SYN3: variants seen among roughly 807,000 people sequenced by gnomAD.
The protein encoded by SYN3 is synapsin III, also known as synapsin-3.
Under a neutral mutation model 65.8 loss-of-function variants are expected in SYN3, and 35 were observed. The ratio of observed to expected loss-of-function variants is 0.53; its 90% CI spans 0.41 to 0.70. The LOEUF is 0.70. SYN3 is among the 30% of genes least tolerant of loss of function. The pLI is 0.00. For synonymous variants in SYN3, 270 were observed against 292.9 expected, an observed-to-expected ratio of 0.92 and a Z score of 0.80; for missense variants, 680 against 749.0, an observed-to-expected ratio of 0.91 and a Z score of 1.08.
chr22:32,509,769 C>T lies in SYN3; in HGVS notation c.*3923G>A, dbSNP rs1050118731. 6.6e-6 allele frequency among the ~76,000 whole-genome samples: 1 copy of T among 152,020 alleles called. No individual in the cohort carries two copies. Among genetic ancestry groups the T allele is most frequent in the South Asian group, 2.1e-4 (1 of 4,814 alleles). On this transcript the variant is annotated 3_prime_UTR_variant, in exon 14 of 14. Coordinates refer to ENST00000358763, the MANE Select transcript of SYN3 (RefSeq NM_003490.4). ...ATTTTTAGTAGAGATGGGGTTTCAC[C>T]GTGTTAGCCAGGATGGTCTCGATCT... is the stretch of plus-strand genomic sequence containing the variant.
chr22:32,924,476 T>C (rs570647235), intron 4 of SYN3, among the ~76,000 whole-genome samples: 2 of 152,324 alleles, frequency 1.3e-5, no homozygotes, highest in South Asian at 2.1e-4. Flanking sequence ...ACTCAAAATG[T>C]GATCTTCCAA....
intron 1 of SYN3, among the ~76,000 whole-genome samples, chr22:33,011,358 CAA>C (rs2053346933): frequency 6.6e-6 from 1 of 152,138 alleles, no homozygotes; most frequent in Non-Finnish European, 1.5e-5. Context: ...ATTTGCTTAA[CAA>C]TGTGGTAAAT....
chr22:32,867,183 A>T (rs1265759118), intron 5 of SYN3, among the ~76,000 whole-genome samples: 2 of 152,202 alleles, frequency 1.3e-5, no homozygotes, highest in African/African-American at 4.8e-5. Flanking sequence ...CACAGACCAG[A>T]CAGCTATGAG....
chr22:32,698,583 A>G (rs2147188886), intron 6 of SYN3, among the ~76,000 whole-genome samples: 1 of 152,330 alleles, frequency 6.6e-6, no homozygotes, highest in Middle Eastern at 3.4e-3. Flanking sequence ...CTAGTGTTTT[A>G]TAAATAATAA....
chr22:32,608,163 G>A (rs2059395299), intron 6 of SYN3, among the ~76,000 whole-genome samples: 1 of 152,214 alleles, frequency 6.6e-6, no homozygotes, highest in African/African-American at 2.4e-5. Context: ...CGCCTCCTGG[G>A]TTCAAGCGAT....
At chr22:32,706,951 C>T (rs949113245) in intron 6 of SYN3, among the ~76,000 whole-genome samples, 5 of 152,192 alleles carry the variant, frequency 3.3e-5, no homozygotes, top group African/African-American at 1.2e-4. Context: ...CCCACCTCCC[C>T]TCCCCAAGAG....
intron 7 of SYN3, among the ~76,000 whole-genome samples, chr22:32,545,939 T>A (rs1253113177): frequency 1.3e-5 from 2 of 152,134 alleles, no homozygotes; most frequent in African/African-American, 4.8e-5. Flanking sequence ...ATTTATTTAT[T>A]TTTTTAAAGA....
Position 32,876,674 on chromosome 22 carries a change from T to A in SYN3, c.462-7549A>T, listed in dbSNP as rs575162920. 4.7e-5 allele frequency among the ~76,000 whole-genome samples: 7 copies of A among 149,974 alleles called. No individual in the cohort carries two copies. The East Asian group carries it at 1.4e-3, about 29-fold the overall frequency. On this transcript the variant is annotated intron_variant, in intron 4 of 13. Transcript: ENST00000358763. ...AGGTTATCTTCATTCTGGAAAAAAA[T>A]GGAAAATGAAACAGTGGAGTCACAT...
chr22:32,840,931 C>T (rs1033256907), intron 6 of SYN3, among the ~76,000 whole-genome samples: 14 of 152,196 alleles, frequency 9.2e-5, no homozygotes, highest in African/African-American at 2.9e-4. Flanking sequence ...TCCCTGTATA[C>T]GTCTTCACAA....
chr22:32,998,380 C>G (rs1165490668), intron 2 of SYN3, among the ~76,000 whole-genome samples: 1 of 152,110 alleles, frequency 6.6e-6, no homozygotes, highest in African/African-American at 2.4e-5. Context: ...GGTTTCAAAC[C>G]AAGGACACCC....
rs1249176612 is a variant in SYN3, at chr22:32,710,800, C to A, written c.712-114064G>T. On this transcript the variant is annotated intron_variant, in intron 6 of 13. Coordinates refer to ENST00000358763, the MANE Select transcript of SYN3 (RefSeq NM_003490.4). ...AAACCAAGCAGATGCCAGCATCATG[C>A]TTCCTGTACTGCCTGCAGAACCATG... is the stretch of plus-strand genomic sequence containing the variant. 4.6e-5 allele frequency among the ~76,000 whole-genome samples: 7 copies of A among 152,144 alleles called. No homozygotes were observed. The East Asian group carries it at 1.4e-3, about 29-fold the overall frequency.
At chr22:33,043,890 T>C (rs1268522837) in intron 1 of SYN3, among the ~76,000 whole-genome samples, 1 of 152,004 alleles carries the variant, frequency 6.6e-6, no homozygotes, top group Non-Finnish European at 1.5e-5. Flanking sequence ...CCGTTTCTAC[T>C]AAAAATAGAA....
intron 6 of SYN3, among the ~76,000 whole-genome samples, chr22:32,763,431 G>A (rs777336348): frequency 6.6e-6 from 1 of 152,174 alleles, no homozygotes; most frequent in African/African-American, 2.4e-5. Context: ...GATTACAGGC[G>A]TGAGCCACCA....
At chr22:32,685,866 CTTAAA>C (rs2060582230) in intron 6 of SYN3, among the ~76,000 whole-genome samples, 2 of 152,066 alleles carry the variant, frequency 1.3e-5, no homozygotes, top group Non-Finnish European at 2.9e-5. Flanking sequence ...GGAATAATTG[CTTAAA>C]TTATTCAGCA....
At chr22:32,736,073 GT>G (rs2061334045) in intron 6 of SYN3, among the ~76,000 whole-genome samples, 1 of 152,120 alleles carries the variant, frequency 6.6e-6, no homozygotes. Flanking sequence ...TTGTGTTTTT[GT>G]TTCTTAATTT....
intron 4 of SYN3, among the ~76,000 whole-genome samples, chr22:32,905,394 A>G (rs1269904463): frequency 6.6e-6 from 1 of 152,172 alleles, no homozygotes; most frequent in Non-Finnish European, 1.5e-5. Context: ...AATGTCCCAG[A>G]GCATAAGGCA....
At position 32,869,367 on chromosome 22, in the gene SYN3, T is replaced by TCTCA. The variant is rs61464794; in HGVS notation, c.462-243_462-242insTGAG. Reference sequence around the variant, plus strand: ...CTCTCTCTCTCTCTCTCTCTCTCTCTCACAGGCTCTTTCCTAAATTCCCTG... The same window carrying TCTCA: ...CTCTCTCTCTCTCTCTCTCTCTCTCTCTCACACAGGCTCTTTCCTAAATTCCCTG... On this transcript the variant is annotated intron_variant, in intron 4 of 13. Coordinates refer to ENST00000358763, the MANE Select transcript of SYN3 (RefSeq NM_003490.4). 3.2e-3 allele frequency among the ~76,000 whole-genome samples: 454 copies of TCTCA among 142,468 alleles called. 6 individuals carry two copies. The highest frequency in any genetic ancestry group is 8.3e-3 in the Admixed American group (117 of 14,084). 93.5% of individuals were successfully genotyped at this position (142,468 alleles called of 152,430 possible). A position where few individuals can be genotyped will look rare whatever the true frequency, so the allele number is the denominator to read the frequency against.
In SYN3 at chr22:32,801,847, C is replaced by T. The variant is rs1181803446; in HGVS notation, c.711+63068G>A. 6 of 986,802 alleles carry T rather than the reference C, an allele frequency of 6.1e-6. No homozygotes were observed. Among genetic ancestry groups the T allele is most frequent in the Non-Finnish European group, 7.8e-6 (6 of 772,262 alleles). The allele number at this position is 986,802 out of a possible 1,614,324, so 61.1% of individuals were successfully genotyped here. ...CAGCCTCGCTGCGCCCCATCCCGTC[C>T]CGCCGGGCACTCGGAGGGCAGCGCG... On this transcript the variant is annotated intron_variant, in intron 6 of 13. Coordinates refer to ENST00000358763, the MANE Select transcript of SYN3 (RefSeq NM_003490.4). The surrounding 1 kb of genome is among the most constrained non-coding windows in gnomAD (Gnocchi z 4.7).
intron 6 of SYN3, chr22:32,858,178 G>T: frequency 1.9e-6 from 3 of 1,609,774 alleles, no homozygotes; most frequent in South Asian, 1.1e-5. Flanking sequence ...GGGAGGTGCT[G>T]ACTTGCAGCC....
Sources: allele counts gnomAD v4.1 joint callset (sites outside exome capture counted in the v4.1 genomes callset), GRCh38; gene constraint gnomAD v4.1.1; non-coding constraint Gnocchi (gnomAD v3.1); transcripts MANE v1.5; gene names NCBI Gene and HGNC (gene_info 2026-07-23, HGNC 2026-07-21).